Variants in SYCE1L observed in about 807,000 individuals in gnomAD.
SYCE1L encodes synaptonemal complex central element protein 1-like.
Under a neutral mutation model 39.6 loss-of-function variants are expected in SYCE1L, and 51 were observed. The observed-to-expected ratio is 1.29, with a 90% CI of 1.03 to 1.63. SYCE1L has a LOEUF of 1.63. Ranked by LOEUF, SYCE1L falls within the 40% of genes most tolerant of loss-of-function variation. The pLI is 0.00. For missense variants in SYCE1L, 426 were observed against 304.9 expected (o/e 1.40, Z -2.96); for synonymous variants, 147 against 122.4 (o/e 1.20, Z -1.33).
At chr16:77,205,745 C>T (rs1043371414) in intron 1 of SYCE1L, among the ~76,000 whole-genome samples, 2 of 152,146 alleles carry the variant, frequency 1.3e-5, no homozygotes, top group African/African-American at 4.8e-5. Context: ...GATTCCATCC[C>T]GCTTTTTTGT....
intron 10 of SYCE1L, 98 bp downstream of exon 10, chr16:77,212,744 G>A (rs1024397105): frequency 2.8e-6 from 4 of 1,434,192 alleles, no homozygotes; most frequent in Non-Finnish European, 2.7e-6. Context: ...GGGGTCTGTG[G>A]GGAGCAGGGC....
Position 77,206,432 on chromosome 16 carries a change from T to C in SYCE1L, c.62-9T>C. ...CTGTGTCCTGTAATTTTGATTTTCC[T>C]TTCTACAGGGCAAGCCAAGTCTTTG... On this transcript the variant is annotated splice_polypyrimidine_tract_variant and intron_variant, in intron 1 of 10. Transcript: ENST00000378644. The C allele has an allele frequency of 9.7e-6, 15 of 1,551,422 alleles. No individual in the cohort carries two copies. The highest frequency in any genetic ancestry group is 1.3e-5 in the Non-Finnish European group (15 of 1,146,900).
At position 77,212,219 on chromosome 16, in the gene SYCE1L, T is replaced by G. The variant is rs1182985221; in HGVS notation, c.493+20T>G. ...CGGAGAGTGAGCCTCCCGCGCCAGGTGGGCGGGGGGAGGGGGATGTGCCCG... is the reference window on the plus strand; with the variant it reads ...CGGAGAGTGAGCCTCCCGCGCCAGGGGGGCGGGGGGAGGGGGATGTGCCCG... On this transcript the variant is annotated intron_variant, in intron 8 of 10. Coordinates refer to ENST00000378644, the MANE Select transcript of SYCE1L (RefSeq NM_001129979.3). 4 of 1,542,842 alleles carry G rather than the reference T, an allele frequency of 2.6e-6. No individual in the cohort carries two copies. Among genetic ancestry groups the G allele is most frequent in the Non-Finnish European group, 2.6e-6 (3 of 1,143,588 alleles).
At chr16:77,208,868 C>T (rs958593921) in intron 4 of SYCE1L, among the ~76,000 whole-genome samples, 4 of 152,196 alleles carry the variant, frequency 2.6e-5, no homozygotes, top group African/African-American at 9.7e-5. Flanking sequence ...AAACCTTGTA[C>T]ATTCTTCAGG....
chr16:77,208,313 G>T (rs1019916323), intron 3 of SYCE1L, 44 bp downstream of exon 3: 2 of 1,548,854 alleles, frequency 1.3e-6, no homozygotes, highest in African/African-American at 2.7e-5. Flanking sequence ...CGAGCAGGAA[G>T]TGACTGGATT....
chr16:77,203,671 C>T lies in SYCE1L; in HGVS notation c.62-2770C>T, dbSNP rs554771596. 2.7e-5 allele frequency among the ~76,000 whole-genome samples: 4 copies of T among 150,176 alleles called. No individual in the cohort carries two copies. The East Asian group carries it at 5.9e-4, about 22-fold the overall frequency. On this transcript the variant is annotated intron_variant, in intron 1 of 10. Transcript: ENST00000378644. Reference sequence around the variant, plus strand: ...GTGCAATGGTGCCATCTCGGCTCACCGCAACCTCCATCTCCCGGGTTCTAG... The same window carrying T: ...GTGCAATGGTGCCATCTCGGCTCACTGCAACCTCCATCTCCCGGGTTCTAG...
intron 2 of SYCE1L, among the ~76,000 whole-genome samples, chr16:77,207,713 A>G (rs61267588): frequency 0.34 from 50,840 of 151,642 alleles, 8,770 homozygotes; most frequent in Admixed American, 0.44. Flanking sequence ...ACTTTCTGCT[A>G]CTCTCCACTT....
chr16:77,203,614 T>TG (rs1297286270), intron 1 of SYCE1L, among the ~76,000 whole-genome samples: 4 of 143,934 alleles, frequency 2.8e-5, no homozygotes, highest in Admixed American at 6.9e-5. Context: ...TTTTTTGAGA[T>TG]GTAGTTTTTT....
intron 2 of SYCE1L, 126 bp from the exon 3 acceptor site, chr16:77,208,084 A>C: frequency 2.1e-6 from 2 of 969,846 alleles, no homozygotes; most frequent in Non-Finnish European, 1.5e-6. Context: ...GGCAGAGCTC[A>C]ACACACAGCA....
intron 6 of SYCE1L, 83 bp from the exon 7 acceptor site, chr16:77,211,130 A>G: frequency 6.9e-7 from 1 of 1,446,374 alleles, no homozygotes. Context: ...CATGGGCAGG[A>G]TCTGAAGGCC....
At chr16:77,200,745 G>GC in intron 1 of SYCE1L, 1 of 15,598 alleles carries the variant, frequency 6.4e-5, no homozygotes, top group Non-Finnish European at 1.1e-4. Flanking sequence ...GACAGAGTGA[G>GC]CAAAAAAAAA....
chr16:77,200,746 CAAAAAAAAA>C (rs11344903), intron 1 of SYCE1L: 2 of 84,838 alleles, frequency 2.4e-5, no homozygotes, highest in Admixed American at 2.6e-4. Context: ...ACAGAGTGAG[CAAAAAAAAA>C]AAAAAAAAAA....
chr16:77,212,902 C>T lies in SYCE1L; in HGVS notation c.700C>T (p.Pro234Ser). Reference sequence around the variant, plus strand: ...CGCTCGCGACGAGGAGGATCCCGAGCCGCCGGTGGCTGCCCCTGACGCCCT... The same window carrying T: ...CGCTCGCGACGAGGAGGATCCCGAGTCGCCGGTGGCTGCCCCTGACGCCCT... The part of the protein sequence containing the change: ...PRARDEEDPE[P>S]PVAAPDAL The change falls in exon 11 of 11, where the codon CCG becomes TCG. Residue 234 changes from proline (P) to serine (S), a missense_variant. Pro to Ser is a moderately conservative substitution (Grantham distance 74). Coordinates refer to ENST00000378644, the MANE Select transcript of SYCE1L (RefSeq NM_001129979.3). 2 of 1,529,204 alleles carry T rather than the reference C, an allele frequency of 1.3e-6. No homozygotes were observed. The highest frequency in any genetic ancestry group is 1.8e-6 in the Non-Finnish European group (2 of 1,140,124). 94.7% of individuals were successfully genotyped at this position (1,529,204 alleles called of 1,614,324 possible). A position where few individuals can be genotyped will look rare whatever the true frequency, so the allele number is the denominator to read the frequency against.
rs573788823 is a variant in SYCE1L, at chr16:77,199,704, A to G, written c.61+192A>G. On this transcript the variant is annotated intron_variant, in intron 1 of 10. Transcript: ENST00000378644. ...GAGATAAATTAACAGGCATATTCTT[A>G]TCACCGAGATTAACTTTTGTCAACT... 2.2e-4 allele frequency: 118 copies of G among 532,108 alleles called. 2 individuals are homozygous for G. Among genetic ancestry groups the G allele is most frequent in the South Asian group, 1.4e-3 (47 of 34,630 alleles). The allele number at this position is 532,108 out of a possible 1,614,324, so 33.0% of individuals were successfully genotyped here.
intron 1 of SYCE1L, chr16:77,202,408 G>A (rs1597381718): frequency 1.3e-5 from 2 of 152,150 alleles, no homozygotes; most frequent in African/African-American, 2.4e-5. Flanking sequence ...TGCTCTTACT[G>A]TGCTGGCCAT....
At chr16:77,212,520 C>G (rs890342375) in intron 9 of SYCE1L, 54 bp from the exon 10 acceptor site, 126 of 1,537,736 alleles carry the variant, frequency 8.2e-5, no homozygotes, top group Non-Finnish European at 1.0e-4. Flanking sequence ...GCTTCCTCCT[C>G]GTCCCCTGGA....
In SYCE1L at chr16:77,207,266, G is replaced by A. The variant is rs554727606; in HGVS notation, c.121+766G>A. On this transcript the variant is annotated intron_variant, in intron 2 of 10. Transcript: ENST00000378644. Reference sequence around the variant, plus strand: ...GTTGGTGACCTTGGAAAAATCCATGGTCTGAGTTTATTAACCCCAGAGTGT... The same window carrying A: ...GTTGGTGACCTTGGAAAAATCCATGATCTGAGTTTATTAACCCCAGAGTGT... 6.6e-5 allele frequency among the ~76,000 whole-genome samples: 10 copies of A among 152,292 alleles called. No homozygotes were observed. In the East Asian group the frequency reaches 9.7e-4, roughly 15 times the overall value.
chr16:77,199,444 G>T lies in SYCE1L; in HGVS notation c.-8G>T. ...AGCGAGGCTCGCGCGCAGGCCCCGC[G>T]TTGGAAAATGGCGGGGAAGCTGAAA... On this transcript the variant is annotated 5_prime_UTR_variant, in exon 1 of 11. Transcript: ENST00000378644. 1 of 1,551,510 alleles carries T rather than the reference G, an allele frequency of 6.4e-7. No individual in the cohort carries two copies. Among genetic ancestry groups the T allele is most frequent in the Non-Finnish European group, 8.7e-7 (1 of 1,146,966 alleles).
At chr16:77,207,794 A>T (rs890331935) in intron 2 of SYCE1L, among the ~76,000 whole-genome samples, 1 of 151,970 alleles carries the variant, frequency 6.6e-6, no homozygotes, top group East Asian at 1.9e-4. Context: ...CTCCTGCCAC[A>T]CTACAGGGAA....
Sources: gnomAD v4.1 joint callset for allele counts (sites outside exome capture counted in the v4.1 genomes callset) on GRCh38, gnomAD v4.1.1 for gene constraint, MANE v1.5 for transcripts, NCBI Gene and HGNC (gene_info 2026-07-23, HGNC 2026-07-21) for gene names.